SPOCK3: variants seen among roughly 807,000 people sequenced by gnomAD.
SPOCK3 encodes SPARC (osteonectin), cwcv and kazal like domains proteoglycan 3.
A neutral mutation model predicts 56.6 loss-of-function variants in SPOCK3; 30 were observed. The observed-to-expected ratio is 0.53, with a 90% CI of 0.40 to 0.72. The LOEUF is 0.72. Among genes scored for constraint, SPOCK3 ranks in the 30% least tolerant of loss-of-function variants. SPOCK3 has a pLI of 0.00. For synonymous variants in SPOCK3, 196 were observed against 183.3 expected (o/e 1.07, Z -0.56); for missense variants, 527 against 530.0 (o/e 0.99, Z 0.06).
In SPOCK3 at chr4:166,802,195, C is replaced by T. The variant is rs138334339; in HGVS notation, c.590-9906G>A. ...CCTAATAAGTAAATGATGCTGAATGCTTGCAGGTATATTTGAGTTTCTGTC... is the reference window on the plus strand; with the variant it reads ...CCTAATAAGTAAATGATGCTGAATGTTTGCAGGTATATTTGAGTTTCTGTC... On this transcript the variant is annotated intron_variant, in intron 6 of 10. Coordinates refer to ENST00000357545, the MANE Select transcript of SPOCK3 (RefSeq NM_001040159.2). Among the ~76,000 whole-genome samples the T allele has an allele frequency of 5.2e-3, 783 of 151,216 alleles. 4 individuals carry two copies. Among genetic ancestry groups the T allele is most frequent in the African/African-American group, 0.018 (735 of 41,166 alleles).
At chr4:166,824,828 G>T (rs937786283) in intron 6 of SPOCK3, among the ~76,000 whole-genome samples, 1 of 152,050 alleles carries the variant, frequency 6.6e-6, no homozygotes, top group East Asian at 1.9e-4. Flanking sequence ...TTATTTTTAC[G>T]TAATTGACTG....
chr4:167,207,294 G>A (rs2110999522), intron 2 of SPOCK3, among the ~76,000 whole-genome samples: 1 of 151,988 alleles, frequency 6.6e-6, no homozygotes, highest in Non-Finnish European at 1.5e-5. Flanking sequence ...CCTGCTTATA[G>A]AGGTAAATGA....
At chr4:167,118,083 T>A (rs142223104) in intron 2 of SPOCK3, among the ~76,000 whole-genome samples, 136 of 152,310 alleles carry the variant, frequency 8.9e-4, no homozygotes, top group African/African-American at 3.0e-3. Context: ...ATATGAGCTC[T>A]GATCTCCTGC....
chr4:167,096,743 T>C (rs900525183), intron 2 of SPOCK3, among the ~76,000 whole-genome samples: 1 of 151,930 alleles, frequency 6.6e-6, no homozygotes, highest in Non-Finnish European at 1.5e-5. Flanking sequence ...TGTTCCTTGA[T>C]GTAGTATTCT....
At chr4:167,195,502 G>A (rs1227703839) in intron 2 of SPOCK3, among the ~76,000 whole-genome samples, 1 of 152,196 alleles carries the variant, frequency 6.6e-6, no homozygotes, top group East Asian at 1.9e-4. Flanking sequence ...GCCTGCATCT[G>A]AGGGCATAGA....
At chr4:167,119,911 G>T in intron 2 of SPOCK3, 1 of 1,363,158 alleles carries the variant, frequency 7.3e-7, no homozygotes, top group Non-Finnish European at 9.7e-7. Context: ...AAAGAAAAAA[G>T]GAAAGAAAGA....
chr4:167,185,081 G>A (rs1731832468), intron 2 of SPOCK3, among the ~76,000 whole-genome samples: 1 of 152,148 alleles, frequency 6.6e-6, no homozygotes, highest in Non-Finnish European at 1.5e-5. Context: ...GAAATCAAGA[G>A]TCTGGGTTCT....
chr4:166,752,990 G>GT (rs1736618161), intron 8 of SPOCK3, among the ~76,000 whole-genome samples: 1 of 54,738 alleles, frequency 1.8e-5, no homozygotes, highest in Non-Finnish European at 4.5e-5. Flanking sequence ...CACTTTGGGA[G>GT]AATGCTACAA....
rs932907769 is a variant in SPOCK3 at position 166,904,321 on chromosome 4, G to A, written c.474+8299C>T. Among the ~76,000 whole-genome samples the A allele has an allele frequency of 2.6e-5, 4 of 151,898 alleles. No homozygotes were observed. In the South Asian group the frequency reaches 8.3e-4, roughly 31 times the overall value. On this transcript the variant is annotated intron_variant, in intron 5 of 10. Transcript: ENST00000357545. ...TAAAAATTAACGCATTAGCTTAATT[G>A]AGTCATTCATTAATACATTAATTTA...
intron 6 of SPOCK3, among the ~76,000 whole-genome samples, chr4:166,796,452 T>C (rs536274154): frequency 3.0e-4 from 45 of 152,274 alleles, no homozygotes; most frequent in Non-Finnish European, 5.0e-4. Context: ...TTTGTTCCAA[T>C]AGTATATTTA....
chr4:167,105,371 T>C (rs1041938363), intron 2 of SPOCK3, among the ~76,000 whole-genome samples: 1 of 151,230 alleles, frequency 6.6e-6, no homozygotes, highest in Non-Finnish European at 1.5e-5. Context: ...CAGTGTTAAG[T>C]TGTTTTCAGT....
At chr4:166,809,845 C>A (rs965504980) in intron 6 of SPOCK3, among the ~76,000 whole-genome samples, 1 of 152,016 alleles carries the variant, frequency 6.6e-6, no homozygotes, top group African/African-American at 2.4e-5. Flanking sequence ...CAAGCCCACT[C>A]CGTGACCATG....
At position 166,740,422 on chromosome 4, in the gene SPOCK3, G is replaced by A. The variant is rs1241982526; in HGVS notation, c.994+1575C>T. Among the ~76,000 whole-genome samples, 3 of 151,354 alleles carry A rather than the reference G, an allele frequency of 2.0e-5. No homozygotes were observed. The East Asian group carries it at 5.8e-4, about 29-fold the overall frequency. On this transcript the variant is annotated intron_variant, in intron 9 of 10. Transcript: ENST00000357545. ...GAATTTAAGTAGAAAATATTTTTAAGTTGAATTTCAATGGCTTTCTTTATG... is the reference window on the plus strand; with the variant it reads ...GAATTTAAGTAGAAAATATTTTTAAATTGAATTTCAATGGCTTTCTTTATG...
intron 2 of SPOCK3, among the ~76,000 whole-genome samples, chr4:167,184,039 T>A (rs1731732765): frequency 6.6e-6 from 1 of 152,200 alleles, no homozygotes; most frequent in African/African-American, 2.4e-5. Context: ...AGGTAATTTG[T>A]TTAACTTCCC....
intron 6 of SPOCK3, among the ~76,000 whole-genome samples, chr4:166,826,360 C>T (rs964872275): frequency 2.0e-5 from 3 of 151,894 alleles, no homozygotes; most frequent in South Asian, 2.1e-4. Flanking sequence ...AACTTCTTAG[C>T]GGCATATAAA....
chr4:167,228,641 G>T (rs888575011), intron 2 of SPOCK3, among the ~76,000 whole-genome samples: 1 of 152,096 alleles, frequency 6.6e-6, no homozygotes, highest in Non-Finnish European at 1.5e-5. Flanking sequence ...GTAGTAGCAG[G>T]TTTAAAAAAT....
At chr4:167,094,787 C>T (rs541947846) in intron 2 of SPOCK3, among the ~76,000 whole-genome samples, 2 of 152,148 alleles carry the variant, frequency 1.3e-5, no homozygotes, top group East Asian at 3.9e-4. Context: ...AAGACATTGT[C>T]ATAGAATAAC....
At chr4:166,979,631 C>T (rs968809845) in intron 4 of SPOCK3, among the ~76,000 whole-genome samples, 1 of 152,132 alleles carries the variant, frequency 6.6e-6, no homozygotes, top group Non-Finnish European at 1.5e-5. Flanking sequence ...CCAGATACTC[C>T]TTATCATCTT....
chr4:167,085,770 T>C (rs1206231078), intron 2 of SPOCK3, among the ~76,000 whole-genome samples: 1 of 152,128 alleles, frequency 6.6e-6, no homozygotes, highest in Non-Finnish European at 1.5e-5. Context: ...AGATGGCAAC[T>C]TATTTGGCAA....
Sources: gnomAD v4.1 joint callset for allele counts (sites outside exome capture counted in the v4.1 genomes callset) on GRCh38, gnomAD v4.1.1 for gene constraint, MANE v1.5 for transcripts, NCBI Gene and HGNC (gene_info 2026-07-23, HGNC 2026-07-21) for gene names.